The following RASSF5 variants were observed in gnomAD, a reference collection of about 807,000 sequenced individuals.
RASSF5 encodes the protein Ras association domain family member 5.
A neutral mutation model predicts 40.5 loss-of-function variants in RASSF5; 25 were observed. The ratio of observed to expected loss-of-function variants is 0.62; its 90% CI spans 0.45 to 0.86. RASSF5 has a LOEUF of 0.86. Among genes scored for constraint, RASSF5 ranks in the 40% least tolerant of loss-of-function variants. RASSF5 has a pLI of 0.00. For missense variants in RASSF5, 521 were observed against 572.8 expected, an observed-to-expected ratio of 0.91 and a Z score of 0.92; for synonymous variants, 246 against 252.4, an observed-to-expected ratio of 0.97 and a Z score of 0.24.
chr1:206,561,087 AC>A (rs1558513151), intron 2 of RASSF5, among the ~76,000 whole-genome samples: 1 of 152,072 alleles, frequency 6.6e-6, no homozygotes, highest in Non-Finnish European at 1.5e-5. Context: ...AGGCTCTGGG[AC>A]CCCAGGACTC....
chr1:206,539,970 C>G (rs782096986), intron 2 of RASSF5, among the ~76,000 whole-genome samples: 1 of 152,192 alleles, frequency 6.6e-6, no homozygotes, highest in Non-Finnish European at 1.5e-5. Flanking sequence ...CCCATTACTT[C>G]CTGGGTCTCC....
intron 2 of RASSF5, among the ~76,000 whole-genome samples, chr1:206,580,465 T>G (rs2297552): frequency 0.079 from 11,968 of 152,180 alleles, 568 homozygotes; most frequent in East Asian, 0.2. Context: ...AACGGGGTCT[T>G]TCTAATTAGA....
chr1:206,550,843 C>A (rs782321109), intron 2 of RASSF5, among the ~76,000 whole-genome samples: 5 of 152,264 alleles, frequency 3.3e-5, no homozygotes, highest in South Asian at 2.1e-4. Flanking sequence ...AATATGGTAA[C>A]GCTCCAAAAT....
Position 206,535,703 on chromosome 1 carries a change from CTGTGTGTGTGTGG to C in RASSF5, c.458-2456_458-2444del, listed in dbSNP as rs1348579201. Among the ~76,000 whole-genome samples the C allele has an allele frequency of 7.0e-6, 1 of 143,036 alleles. No homozygotes were observed. Among genetic ancestry groups the C allele is most frequent in the African/African-American group, 2.7e-5 (1 of 37,584 alleles). The allele number at this position is 143,036 out of a possible 152,430, so 93.8% of individuals were successfully genotyped here. A position where few individuals can be genotyped will look rare whatever the true frequency, so the allele number is the denominator to read the frequency against. On this transcript the variant is annotated intron_variant, in intron 1 of 5. Coordinates refer to ENST00000579436, the MANE Select transcript of RASSF5 (RefSeq NM_182663.4). The surrounding 1 kb of genome is among the most constrained non-coding windows in gnomAD (Gnocchi z 5.0). ...TTTCAGGGTGTGTGTGTGTGTGTGT[CTGTGTGTGTGTGG>C]TGTGTGTGTGTGTGTGTGTGTGTGT...
chr1:206,580,323 T>C (rs190564775), intron 2 of RASSF5, among the ~76,000 whole-genome samples: 2 of 152,294 alleles, frequency 1.3e-5, no homozygotes, highest in African/African-American at 4.8e-5. Context: ...TGAGAGGAGA[T>C]CTTTCCGAAG....
At chr1:206,544,684 G>A (rs1189379862) in intron 2 of RASSF5, 1 of 152,712 alleles carries the variant, frequency 6.5e-6, no homozygotes, top group Admixed American at 6.5e-5. Flanking sequence ...CAGCCTTGCA[G>A]GTCCCTGCTG....
At chr1:206,514,387 G>T (rs1666697934) in intron 1 of RASSF5, among the ~76,000 whole-genome samples, 1 of 152,258 alleles carries the variant, frequency 6.6e-6, no homozygotes, top group South Asian at 2.1e-4. Flanking sequence ...TGCAAGATGT[G>T]CATGCTGAGG....
chr1:206,514,426 G>A (rs1666698650), intron 1 of RASSF5, among the ~76,000 whole-genome samples: 1 of 152,270 alleles, frequency 6.6e-6, no homozygotes, highest in South Asian at 2.1e-4. Flanking sequence ...GTTGGAAAGA[G>A]TAGTCTGTTC....
chr1:206,524,878 C>T (rs1553396960), intron 1 of RASSF5, among the ~76,000 whole-genome samples: 1 of 151,346 alleles, frequency 6.6e-6, no homozygotes, highest in South Asian at 2.1e-4. Flanking sequence ...CACACTCACA[C>T]ACACACACAT....
chr1:206,507,533 C>G lies in RASSF5; in HGVS notation c.-70C>G. ...GCGCTGGTGTGGGGCGGCCCCTTCT[C>G]TCGGGGCTGGCTCGGGAGTAGCGCA... is the stretch of plus-strand genomic sequence containing the variant. On this transcript the variant is annotated 5_prime_UTR_variant, in exon 1 of 6. Transcript: ENST00000579436. The G allele has an allele frequency of 8.0e-7, 1 of 1,248,200 alleles. No individual in the cohort carries two copies. The highest frequency in any genetic ancestry group is 1.0e-6 in the Non-Finnish European group (1 of 954,064). 77.3% of individuals were successfully genotyped at this position (1,248,200 alleles called of 1,614,324 possible). A position where few individuals can be genotyped will look rare whatever the true frequency, so the allele number is the denominator to read the frequency against.
rs1667874845 is a variant in RASSF5, at chr1:206,552,748, G to T, written c.579+14455G>T. On this transcript the variant is annotated intron_variant, in intron 2 of 5. Coordinates refer to ENST00000579436, the MANE Select transcript of RASSF5 (RefSeq NM_182663.4). The surrounding 1 kb of genome is among the most constrained non-coding windows in gnomAD (Gnocchi z 4.1). ...GCAAAATACCTTCTTGCAGGGTTCT[G>T]AGGATTAAGTGAGATAATGAAATGT... Among the ~76,000 whole-genome samples, 1 of 152,204 alleles carries T rather than the reference G, an allele frequency of 6.6e-6. No homozygotes were observed. Among genetic ancestry groups the T allele is most frequent in the Admixed American group, 6.5e-5 (1 of 15,288 alleles).
In RASSF5 at chr1:206,507,615, TC is replaced by T. The variant is rs1553393900; in HGVS notation, c.17del (p.Pro6ArgfsTer23). The T allele has an allele frequency of 6.6e-7, 1 of 1,517,660 alleles. No homozygotes were observed. 94.0% of individuals were successfully genotyped at this position (1,517,660 alleles called of 1,614,324 possible). MAMA[S>X]PAIGQRPYPL... ...CCACTAGCCGGGCATGGCCATGGCGTCCCCGGCCATCGGGCAGCGCCCGTAC... is the reference window on the plus strand; with the variant it reads ...CCACTAGCCGGGCATGGCCATGGCGTCCCGGCCATCGGGCAGCGCCCGTAC... On this transcript the variant is annotated frameshift_variant, in exon 1 of 6. Coordinates refer to ENST00000579436, the MANE Select transcript of RASSF5 (RefSeq NM_182663.4). LOFTEE classifies it high-confidence loss of function.
At position 206,529,027 on chromosome 1, in the gene RASSF5, T is replaced by C. The variant is rs913385612; in HGVS notation, c.458-9145T>C. 48 of 792,540 alleles carry C rather than the reference T, an allele frequency of 6.1e-5. No homozygotes were observed. In the Middle Eastern group the frequency reaches 8.3e-4, roughly 14 times the overall value. 49.1% of individuals were successfully genotyped at this position (792,540 alleles called of 1,614,324 possible). On this transcript the variant is annotated intron_variant, in intron 1 of 5. Coordinates refer to ENST00000579436, the MANE Select transcript of RASSF5 (RefSeq NM_182663.4). ...GAGAAAAGGCCTAAGAATTTTGGCA[T>C]TGGACAGGACATCCAGCCCAAAAGA...
chr1:206,517,154 T>C (rs1666769893), intron 1 of RASSF5, among the ~76,000 whole-genome samples: 1 of 152,156 alleles, frequency 6.6e-6, no homozygotes, highest in African/African-American at 2.4e-5. Context: ...GTGAGTCCTC[T>C]GAGGTGGATT....
intron 1 of RASSF5, among the ~76,000 whole-genome samples, chr1:206,533,171 A>G (rs1667286043): frequency 6.6e-6 from 1 of 152,188 alleles, no homozygotes; most frequent in Non-Finnish European, 1.5e-5. Context: ...ATCTCCAAGC[A>G]TAGGCCACCA....
In RASSF5 at chr1:206,513,500, G is replaced by A. The variant is rs530170503; in HGVS notation, c.457+5441G>A. 1.5e-3 allele frequency among the ~76,000 whole-genome samples: 232 copies of A among 152,314 alleles called. 2 individuals are homozygous for A. Among genetic ancestry groups the A allele is most frequent in the Middle Eastern group, 6.8e-3 (2 of 294 alleles). ...GGTATGATTTCCTTCTCACAAGCTT[G>A]CAGACCTGGGTCTGTGCTGGTGGCA... is the stretch of plus-strand genomic sequence containing the variant. On this transcript the variant is annotated intron_variant, in intron 1 of 5. Transcript: ENST00000579436. This position sits in a 1 kb window ranked among gnomAD's most constrained non-coding sequence, Gnocchi z 5.0.
chr1:206,527,268 G>T (rs1348548109), intron 1 of RASSF5, among the ~76,000 whole-genome samples: 5 of 152,144 alleles, frequency 3.3e-5, no homozygotes, highest in African/African-American at 1.2e-4. Context: ...AAGTGGGTGC[G>T]CTCTGGTGCC....
chr1:206,578,626 GGT>G (rs1668749054), intron 2 of RASSF5, among the ~76,000 whole-genome samples: 1 of 152,156 alleles, frequency 6.6e-6, no homozygotes, highest in Non-Finnish European at 1.5e-5. Flanking sequence ...GCAAAAATTA[GGT>G]TTGTGATTTT....
In RASSF5 at chr1:206,531,883, T is replaced by TA. The variant is rs530462187; in HGVS notation, c.458-6286dup. ...AAACCCTGTCTCTACTAAAAAAAAA[T>TA]AAATAAATAAATACAAAAATTAGCC... On this transcript the variant is annotated intron_variant, in intron 1 of 5. Coordinates refer to ENST00000579436, the MANE Select transcript of RASSF5 (RefSeq NM_182663.4). This position sits in a 1 kb window ranked among gnomAD's most constrained non-coding sequence, Gnocchi z 4.7. 0.068 allele frequency among the ~76,000 whole-genome samples: 10,191 copies of TA among 150,030 alleles called. 494 individuals are homozygous for TA. Among genetic ancestry groups the TA allele is most frequent in the African/African-American group, 0.14 (5,885 of 40,858 alleles).
Sources: allele counts gnomAD v4.1 joint callset (sites outside exome capture counted in the v4.1 genomes callset), GRCh38; gene constraint gnomAD v4.1.1; non-coding constraint Gnocchi (gnomAD v3.1); transcripts MANE v1.5; gene names NCBI Gene and HGNC (gene_info 2026-07-23, HGNC 2026-07-21).